DST: variants seen among roughly 807,000 people sequenced by gnomAD.
DST encodes bullous pemphigoid antigen.
A neutral mutation model predicts 875.2 loss-of-function variants in DST; 253 were observed. The observed-to-expected ratio is 0.29, with a 90% confidence interval of 0.26 to 0.32. DST has a LOEUF of 0.32. Among genes scored for constraint, DST ranks in the 10% least tolerant of loss-of-function variants. The pLI is 1.00. For synonymous variants in DST, 3,124 were observed against 3,197.1 expected (o/e 0.98, Z 0.77); for missense variants, 8,287 against 9,111.6 (o/e 0.91, Z 3.68).
chr6:56,582,930 A>G (rs1484472044), intron 49 of DST, among the ~76,000 whole-genome samples: 1 of 151,956 alleles, frequency 6.6e-6, no homozygotes, highest in Non-Finnish European at 1.5e-5. Context: ...TGAACTCATC[A>G]TTTTTTATGG....
chr6:56,847,164 T>A (rs947270597), intron 4 of DST, among the ~76,000 whole-genome samples: 17 of 151,534 alleles, frequency 1.1e-4, no homozygotes, highest in African/African-American at 3.6e-4. Context: ...TAAAAAAAAA[T>A]TTTTAATAAG....
At chr6:56,524,672 G>T (rs944759152) in intron 69 of DST, among the ~76,000 whole-genome samples, 2 of 151,980 alleles carry the variant, frequency 1.3e-5, no homozygotes, top group Admixed American at 1.3e-4. Flanking sequence ...AAGAAATGAA[G>T]ATAAAAATAC....
At chr6:56,735,396 A>G in intron 4 of DST, 107 bp from the exon 5 acceptor site, 2 of 731,328 alleles carry the variant, frequency 2.7e-6, no homozygotes, top group South Asian at 1.7e-5. Flanking sequence ...GATATGCTTC[A>G]GTGTATTCAA....
intron 3 of DST, among the ~76,000 whole-genome samples, chr6:56,891,697 G>A (rs1016635422): frequency 6.6e-6 from 1 of 151,658 alleles, no homozygotes; most frequent in African/African-American, 2.4e-5. Flanking sequence ...TTGCGCGACT[G>A]CACTCCAGCC....
chr6:56,741,042 C>G (rs974682489), intron 4 of DST, among the ~76,000 whole-genome samples: 2 of 152,066 alleles, frequency 1.3e-5, no homozygotes, highest in African/African-American at 4.8e-5. Flanking sequence ...AAATAGATTT[C>G]TTCTTTTCTA....
At position 56,604,360 on chromosome 6, in the gene DST, G is replaced by A. The variant is rs773394727; in HGVS notation, c.10268C>T (p.Ser3423Leu). ...DSSGVSPMTN[S>L]SELKPESRDD... Reference sequence around the variant, plus strand: ...TCTACTTTCTGGCTTTAGTTCTGATGAGTTAGTCATGGGGGAAACTCCAGA... The same window carrying A: ...TCTACTTTCTGGCTTTAGTTCTGATAAGTTAGTCATGGGGGAAACTCCAGA... The change falls in exon 40 of 104, where the codon TCA becomes TTA. Residue 3423 changes from serine (S) to leucine (L), a missense_variant. Physicochemically the swap from Ser to Leu is moderately radical, Grantham distance 145 (BLOSUM62 -2). Around this residue, in one of 10 missense-constraint regions of DST, gnomAD observed 3,138 missense variants for 3,116.6 expected, o/e 1.01. Coordinates refer to ENST00000680361, the MANE Select transcript of DST (RefSeq NM_001374736.1). The A allele has an allele frequency of 6.2e-7, 1 of 1,612,194 alleles. No homozygotes were observed. The highest frequency in any genetic ancestry group is 8.5e-7 in the Non-Finnish European group (1 of 1,179,018).
intron 4 of DST, among the ~76,000 whole-genome samples, chr6:56,749,138 A>C (rs530716437): frequency 6.6e-6 from 1 of 152,244 alleles, no homozygotes; most frequent in Admixed American, 6.5e-5. Flanking sequence ...CGGGCAGATC[A>C]CCTCAGGTCA....
In DST at chr6:56,604,567, T is replaced by A. The variant is rs368634093; in HGVS notation, c.10061A>T (p.Asp3354Val). 5 of 1,612,030 alleles carry A rather than the reference T, an allele frequency of 3.1e-6. No individual in the cohort carries two copies. The African/African-American group carries it at 4.0e-5, about 13-fold the overall frequency. ...IPELSQVFVE[D>V]VKDILKSRLK... ...CCTGCTTTTTAAGATATCCTTTACATCCTCCACAAATACCTGAGACAATTC... is the reference window on the plus strand; with the variant it reads ...CCTGCTTTTTAAGATATCCTTTACAACCTCCACAAATACCTGAGACAATTC... The change falls in exon 40 of 104, where the codon GAT becomes GTT. Residue 3354 changes from aspartate to valine, a missense_variant. By Grantham distance (152) the Asp-to-Val change is radical. Transcript: ENST00000680361.
intron 10 of DST, among the ~76,000 whole-genome samples, chr6:56,652,219 G>A (rs1005973700): frequency 6.6e-6 from 1 of 152,188 alleles, no homozygotes; most frequent in Non-Finnish European, 1.5e-5. Context: ...CTACATGAGA[G>A]AGGAAAAGAT....
In DST at chr6:56,482,157, C is replaced by T; in HGVS notation, c.21424G>A (p.Val7142Ile). ...LRQAEEFHSV[V>I]HALLEWLAEA... ...GCCAGCCACTCCAAGAGGGCATGTA[C>T]CACCGAGTGGAATTCCTCTGCCTAA... is the stretch of plus-strand genomic sequence containing the variant. Residue 7142 changes from valine to isoleucine, a missense_variant, in exon 90 of 104, where the codon GTA becomes ATA. Physicochemically the swap from Val to Ile is conservative, Grantham distance 29. This residue lies in a region of DST where 1,292 missense variants were observed against 1,552.7 expected (regional missense o/e 0.83). Transcript: ENST00000680361. The T allele has an allele frequency of 6.2e-7, 1 of 1,610,292 alleles. No individual in the cohort carries two copies. The highest frequency in any genetic ancestry group is 8.5e-7 in the Non-Finnish European group (1 of 1,177,282).
chr6:56,643,869 C>G (rs2098927225), intron 15 of DST, among the ~76,000 whole-genome samples: 1 of 152,160 alleles, frequency 6.6e-6, no homozygotes, highest in Admixed American at 6.6e-5. Context: ...ACAGTGGCAC[C>G]TGGCATTTAT....
intron 17 of DST, among the ~76,000 whole-genome samples, chr6:56,641,578 A>C (rs1265450104): frequency 6.6e-6 from 1 of 152,156 alleles, no homozygotes; most frequent in Non-Finnish European, 1.5e-5. Context: ...AGAGAGCAAA[A>C]CTGCATCTCA....
intron 49 of DST, among the ~76,000 whole-genome samples, chr6:56,585,821 C>A (rs1177622428): frequency 1.3e-5 from 2 of 152,062 alleles, no homozygotes; most frequent in Non-Finnish European, 2.9e-5. Flanking sequence ...TTTCAAAGAA[C>A]ATCTTTATTT....
intron 36 of DST, chr6:56,619,964 T>G (rs2098672361): frequency 6.2e-7 from 1 of 1,614,122 alleles, no homozygotes; most frequent in Admixed American, 1.7e-5. Context: ...TTTCTGCTTG[T>G]CATGTTCTTG....
intron 60 of DST, among the ~76,000 whole-genome samples, chr6:56,554,145 C>T (rs768549804): frequency 1.6e-5 from 2 of 124,924 alleles, no homozygotes; most frequent in South Asian, 2.6e-4. Context: ...AGTGTTGAGG[C>T]GCTATCTCAG....
chr6:56,907,041 G>A (rs564404179), intron 2 of DST, among the ~76,000 whole-genome samples: 1 of 152,228 alleles, frequency 6.6e-6, no homozygotes, highest in African/African-American at 2.4e-5. Context: ...TACATCTCAT[G>A]GGTAAGCCCA....
chr6:56,764,549 C>A (rs1334887689), intron 4 of DST, among the ~76,000 whole-genome samples: 1 of 152,110 alleles, frequency 6.6e-6, no homozygotes, highest in Admixed American at 6.6e-5. Flanking sequence ...AGAGCAATGA[C>A]CTTGTTTCAT....
Position 56,573,803 on chromosome 6 carries a change from A to T in DST, c.13112T>A (p.Leu4371Gln). 1.2e-6 allele frequency: 2 copies of T among 1,613,576 alleles called. No individual in the cohort carries two copies. Among genetic ancestry groups the T allele is most frequent in the South Asian group, 1.1e-5 (1 of 91,062 alleles). The change falls in exon 51 of 104, where the codon CTG (leucine) becomes CAG (glutamine). Residue 4371 changes from leucine (L) to glutamine (Q), a missense_variant. Physicochemically the swap from Leu to Gln is moderately radical, Grantham distance 113. Transcript: ENST00000680361. ...TTCATCCAAGCCATCCTGCACACTC[A>T]GTGAACGGGTCAAGGTTATCTGGAG... The part of the protein sequence containing the change: ...EKLQITLTRS[L>Q]SVQDGLDEML...
At chr6:56,646,308 C>G in intron 13 of DST, 126 bp from the exon 14 acceptor site, 3 of 527,926 alleles carry the variant, frequency 5.7e-6, no homozygotes, top group Non-Finnish European at 9.6e-6. Context: ...CTTTGTTAAA[C>G]CGACACTCAA....
Sources: gnomAD v4.1 joint callset for allele counts (sites outside exome capture counted in the v4.1 genomes callset) on GRCh38, gnomAD v4.1.1 for gene constraint, gnomAD v4.1.1 regional missense constraint, MANE v1.5 for transcripts, NCBI Gene and HGNC (gene_info 2026-07-23, HGNC 2026-07-21) for gene names.